Variants in PTPRN2 observed in about 807,000 individuals in gnomAD.
PTPRN2 encodes the protein protein tyrosine phosphatase receptor type N2.
A neutral mutation model predicts 118.8 loss-of-function variants in PTPRN2; 74 were observed. That is an observed-to-expected ratio of 0.62 (90% CI 0.52 to 0.76). The LOEUF (loss-of-function observed/expected upper bound fraction) is 0.76. Ranked by LOEUF, PTPRN2 falls within the 30% of genes least tolerant of loss-of-function variation. The probability of loss-of-function intolerance (pLI) is 0.00; values close to 1 mark genes in which losing one functional copy is unlikely to be tolerated. For missense variants in PTPRN2, 1,481 were observed against 1,394.4 expected, an observed-to-expected ratio of 1.06 and a Z score of -0.99; for synonymous variants, 641 against 608.0, an observed-to-expected ratio of 1.05 and a Z score of -0.80.
At chr7:158,008,207 C>T (rs12666418) in intron 11 of PTPRN2, among the ~76,000 whole-genome samples, 125,703 of 151,852 alleles carry the variant, frequency 0.83, 52,247 homozygotes, top group East Asian at 0.88. Flanking sequence ...TGGGCATGTG[C>T]ATACACACTG....
chr7:157,826,530 G>A (rs1807183960), intron 12 of PTPRN2, among the ~76,000 whole-genome samples: 2 of 122,826 alleles, frequency 1.6e-5, no homozygotes, highest in African/African-American at 3.2e-5. Context: ...CGTCACAATC[G>A]CGAGCGCCAT....
rs180785346 is a variant in PTPRN2 at position 158,094,359 on chromosome 7, C to T, written c.1644-12982G>A. Among the ~76,000 whole-genome samples, 129 of 152,274 alleles carry T rather than the reference C, an allele frequency of 8.5e-4. 2 individuals are homozygous for T. The highest frequency in any genetic ancestry group is 2.6e-3 in the African/African-American group (110 of 41,558). ...GAGTCTCGCACTGTCACCCAGGCTG[C>T]AGTGCAATGGCGTGATCTCGGCTCA... On this transcript the variant is annotated intron_variant, in intron 10 of 22. Coordinates refer to ENST00000389418, the MANE Select transcript of PTPRN2 (RefSeq NM_002847.5).
intron 14 of PTPRN2, among the ~76,000 whole-genome samples, chr7:157,655,430 G>T (rs1806008057): frequency 6.6e-6 from 1 of 152,142 alleles, no homozygotes; most frequent in South Asian, 2.1e-4. Flanking sequence ...GGCTTTTTGT[G>T]GTCCAGATCC....
At chr7:158,112,271 GACT>G (rs1816345257) in intron 9 of PTPRN2, among the ~76,000 whole-genome samples, 1 of 152,248 alleles carries the variant, frequency 6.6e-6, no homozygotes, top group South Asian at 2.1e-4. Flanking sequence ...AGAGAGGAGA[GACT>G]GTCTTGTAAA....
rs970219994 is a variant in PTPRN2, at chr7:157,861,211, G to T, written c.1788+37462C>A. Among the ~76,000 whole-genome samples the T allele has an allele frequency of 2.6e-5, 4 of 152,196 alleles. No individual in the cohort carries two copies. Among genetic ancestry groups the T allele is most frequent in the Non-Finnish European group, 2.9e-5 (2 of 68,036 alleles). The stretch of plus-strand genomic sequence containing the variant: ...TGCTCCATGGTGACACTGCCCCACG[G>T]GGTCCAAATGCTGAATTCCTGTACC... On this transcript the variant is annotated intron_variant, in intron 12 of 22. Transcript: ENST00000389418. This position sits in a 1 kb window ranked among gnomAD's most constrained non-coding sequence, Gnocchi z 5.8.
intron 3 of PTPRN2, among the ~76,000 whole-genome samples, chr7:158,249,051 G>A (rs61724323): frequency 0.8 from 120,396 of 151,206 alleles, 48,003 homozygotes; most frequent in African/African-American, 0.86. Context: ...TGCCACACAC[G>A]TGCACCCACA....
chr7:158,273,840 A>T, intron 3 of PTPRN2, among the ~76,000 whole-genome samples: 1 of 114,496 alleles, frequency 8.7e-6, no homozygotes, highest in Non-Finnish European at 1.7e-5. Flanking sequence ...CCGCAGACAC[A>T]GGGGGAGCCG....
intron 12 of PTPRN2, among the ~76,000 whole-genome samples, chr7:157,786,367 A>G (rs557724997): frequency 5.3e-5 from 8 of 152,218 alleles, no homozygotes; most frequent in South Asian, 2.1e-4. Context: ...AAGTTTAAGG[A>G]CCATGAAGTC....
chr7:158,064,515 C>T (rs78531768), intron 11 of PTPRN2, among the ~76,000 whole-genome samples: 2 of 152,126 alleles, frequency 1.3e-5, no homozygotes, highest in African/African-American at 2.4e-5. Flanking sequence ...CTGGTCACGC[C>T]GGACACTGCC....
rs1019732765 is a variant in PTPRN2, at chr7:157,789,384, C to A, written c.1789-106447G>T. Among the ~76,000 whole-genome samples the A allele has an allele frequency of 2.2e-4, 33 of 152,360 alleles. No homozygotes were observed. In the South Asian group the frequency reaches 3.1e-3, roughly 14 times the overall value. On this transcript the variant is annotated intron_variant, in intron 12 of 22. Transcript: ENST00000389418. ...CCAGACCCACCCTGGGACATCCAGG[C>A]CCCCTGGGCACAGACATCTTGTACA... is the stretch of plus-strand genomic sequence containing the variant.
chr7:158,503,332 C>T (rs1477170320), intron 1 of PTPRN2, among the ~76,000 whole-genome samples: 1 of 152,256 alleles, frequency 6.6e-6, no homozygotes, highest in Non-Finnish European at 1.5e-5. Flanking sequence ...TGTCACAATA[C>T]CAGCTTCTCT....
intron 12 of PTPRN2, among the ~76,000 whole-genome samples, chr7:157,853,269 C>T (rs1809427941): frequency 6.6e-6 from 1 of 152,170 alleles, no homozygotes; most frequent in Non-Finnish European, 1.5e-5. Context: ...ATGATGACGG[C>T]CGAGCCGGGC....
intron 2 of PTPRN2, among the ~76,000 whole-genome samples, chr7:158,418,052 T>C (rs201221889): frequency 1.0e-4 from 15 of 148,772 alleles, no homozygotes; most frequent in East Asian, 4.1e-4. Flanking sequence ...TAAGTCATGG[T>C]GTACTACATC....
At chr7:158,487,195 C>T (rs1024001394) in intron 2 of PTPRN2, among the ~76,000 whole-genome samples, 2 of 152,244 alleles carry the variant, frequency 1.3e-5, no homozygotes, top group African/African-American at 4.8e-5. Context: ...CACTGGGCTG[C>T]TTTCGCCTTT....
intron 3 of PTPRN2, among the ~76,000 whole-genome samples, chr7:158,270,594 G>A (rs915866095): frequency 1.3e-5 from 2 of 152,084 alleles, no homozygotes; most frequent in African/African-American, 4.8e-5. Context: ...GGGAAACTGA[G>A]TCCTTTCAGG....
chr7:157,637,415 G>C (rs976410870), intron 14 of PTPRN2, among the ~76,000 whole-genome samples: 3 of 152,192 alleles, frequency 2.0e-5, no homozygotes, highest in African/African-American at 4.8e-5. Context: ...AGCCCTGGGT[G>C]GGGGAATCGG....
chr7:157,929,304 G>T lies in PTPRN2; in HGVS notation c.1724-30567C>A, dbSNP rs1799224225. Among the ~76,000 whole-genome samples, 1 of 151,860 alleles carries T rather than the reference G, an allele frequency of 6.6e-6. No individual in the cohort carries two copies. Among genetic ancestry groups the T allele is most frequent in the Admixed American group, 6.5e-5 (1 of 15,280 alleles). On this transcript the variant is annotated intron_variant, in intron 11 of 22. Transcript: ENST00000389418. The surrounding 1 kb of genome is among the most constrained non-coding windows in gnomAD (Gnocchi z 4.4). ...CTCTCTGCTCCTCTGACTACCTTCA[G>T]CAACCCTGCCTTACGGTGGGGATGC... is the stretch of plus-strand genomic sequence containing the variant.
chr7:158,002,835 C>A (rs10261889), intron 11 of PTPRN2, among the ~76,000 whole-genome samples: 101,170 of 152,082 alleles, frequency 0.67, 34,109 homozygotes, highest in East Asian at 0.87. Context: ...TTCAACAAGC[C>A]CCGTGAGGTG....
intron 2 of PTPRN2, among the ~76,000 whole-genome samples, chr7:158,321,059 A>G (rs1410582859): frequency 6.6e-6 from 1 of 152,074 alleles, no homozygotes; most frequent in Admixed American, 6.5e-5. Flanking sequence ...AGGACTGGAA[A>G]GTCAAATCTC....
Sources: allele counts gnomAD v4.1 joint callset (sites outside exome capture counted in the v4.1 genomes callset), GRCh38; gene constraint gnomAD v4.1.1; non-coding constraint Gnocchi (gnomAD v3.1); transcripts MANE v1.5; gene names NCBI Gene and HGNC (gene_info 2026-07-23, HGNC 2026-07-21).